TRPM6: variants seen among roughly 807,000 people sequenced by gnomAD.
TRPM6 encodes transient receptor potential cation channel subfamily M member 6, also known as channel kinase 2.
In TRPM6, 111 loss-of-function variants were observed where a neutral mutation model predicts 247.6. The ratio of observed to expected loss-of-function variants is 0.45; its 90% CI spans 0.38 to 0.52. TRPM6 has a LOEUF of 0.52. TRPM6 is among the 20% of genes least tolerant of loss of function. TRPM6 has a pLI of 0.00. For synonymous variants in TRPM6, 892 were observed against 853.8 expected, an observed-to-expected ratio of 1.04 and a Z score of -0.78; for missense variants, 2,126 against 2,421.5, an observed-to-expected ratio of 0.88 and a Z score of 2.56.
At chr9:74,840,489 A>G (rs904432156) in intron 4 of TRPM6, among the ~76,000 whole-genome samples, 1 of 152,238 alleles carries the variant, frequency 6.6e-6, no homozygotes, top group African/African-American at 2.4e-5. Context: ...TGGCCCACCA[A>G]TGCTCTCCAG....
chr9:74,868,378 C>A (rs1830922321), intron 1 of TRPM6, among the ~76,000 whole-genome samples: 1 of 151,820 alleles, frequency 6.6e-6, no homozygotes, highest in African/African-American at 2.4e-5. Context: ...GCCTGTAATC[C>A]CAGCTACTCG....
intron 31 of TRPM6, among the ~76,000 whole-genome samples, chr9:74,745,298 A>G (rs1300522970): frequency 3.3e-5 from 5 of 152,208 alleles, no homozygotes; most frequent in Non-Finnish European, 7.3e-5. Flanking sequence ...CCACATTGGT[A>G]TTTATTCAAT....
chr9:74,775,397 A>G (rs1011697124), intron 24 of TRPM6, among the ~76,000 whole-genome samples: 1 of 152,086 alleles, frequency 6.6e-6, no homozygotes, highest in Non-Finnish European at 1.5e-5. Flanking sequence ...CCATTTCAGA[A>G]TCACCTCCAT....
intron 9 of TRPM6, chr9:74,820,088 T>C: frequency 1.8e-6 from 1 of 563,866 alleles, no homozygotes; most frequent in Admixed American, 2.8e-5. Context: ...CATGGTGGTT[T>C]GCTGCACCTA....
chr9:74,887,569 T>C, intron 1 of TRPM6: 1 of 1,479,494 alleles, frequency 6.8e-7, no homozygotes, highest in Non-Finnish European at 9.1e-7. Context: ...ACCTCCGCTA[T>C]GGCCGCATCC....
chr9:74,804,979 C>G (rs1218376455), intron 14 of TRPM6, among the ~76,000 whole-genome samples: 1 of 152,102 alleles, frequency 6.6e-6, no homozygotes, highest in Non-Finnish European at 1.5e-5. Flanking sequence ...TTTGAAATGT[C>G]ATCTTAAACA....
chr9:74,761,561 C>T, intron 27 of TRPM6, 135 bp downstream of exon 27: 1 of 696,494 alleles, frequency 1.4e-6, no homozygotes. Flanking sequence ...AAAAGAGGAA[C>T]AAATTATATC....
rs1481369463 is a variant in TRPM6 at position 74,808,045 on chromosome 9, T to C, written c.1627A>G (p.Arg543Gly). 6.2e-7 allele frequency: 1 copy of C among 1,613,956 alleles called. No homozygotes were observed. Among genetic ancestry groups the C allele is most frequent in the Non-Finnish European group, 8.5e-7 (1 of 1,179,896 alleles). ...TTCAATTACTCTACCTTGTATTTTC[T>C]GTAGAGGTTGTTGTAGAGGGCTCTG... ...HFRALYNNLYRKYKHQRHSSG... is the reference protein window; with the variant it reads ...HFRALYNNLYGKYKHQRHSSG... The change falls in exon 14 of 39, where the codon AGA becomes GGA. Residue 543 changes from arginine to glycine, a missense_variant. Arg to Gly is a moderately radical substitution (Grantham distance 125). Transcript: ENST00000360774.
At chr9:74,766,964 G>A (rs1826848512) in intron 25 of TRPM6, among the ~76,000 whole-genome samples, 1 of 152,108 alleles carries the variant, frequency 6.6e-6, no homozygotes. Flanking sequence ...CCATGAAAAT[G>A]TCAGGCATCA....
chr9:74,762,680 C>A lies in TRPM6; in HGVS notation c.3991G>T (p.Val1331Leu). Residue 1331 changes from valine (V) to leucine (L), a missense_variant, in exon 26 of 39, where the codon GTG becomes TTG. Physicochemically the swap from Val to Leu is conservative, Grantham distance 32. Transcript: ENST00000360774. ...ETQSSIVVSG[V>L]SPNRQAHSKY... ...GAGTGTGCTTGCCTGTTAGGAGACACCCCAGAAACCACTATACTACTTTGT... is the reference window on the plus strand; with the variant it reads ...GAGTGTGCTTGCCTGTTAGGAGACAACCCAGAAACCACTATACTACTTTGT... The A allele has an allele frequency of 6.2e-7, 1 of 1,614,138 alleles. No individual in the cohort carries two copies. Among genetic ancestry groups the A allele is most frequent in the Non-Finnish European group, 8.5e-7 (1 of 1,180,022 alleles).
chr9:74,737,278 T>G, intron 36 of TRPM6: 1 of 884,726 alleles, frequency 1.1e-6, no homozygotes, highest in Non-Finnish European at 1.6e-6. Context: ...AAAATGCACT[T>G]ATATGTAGTT....
At chr9:74,887,312 G>T in intron 1 of TRPM6, 1 of 1,366,256 alleles carries the variant, frequency 7.3e-7, no homozygotes, top group Non-Finnish European at 9.4e-7. Context: ...GCGGAGGGAC[G>T]GCCGTCTGGG....
In TRPM6 at chr9:74,858,612, T is replaced by C. The variant is rs1348155094; in HGVS notation, c.113+57A>G. On this transcript the variant is annotated intron_variant, in intron 2 of 38. Coordinates refer to ENST00000360774, the MANE Select transcript of TRPM6 (RefSeq NM_017662.5). The stretch of plus-strand genomic sequence containing the variant: ...AACAAGTCATATTTCTAAGTTTCTA[T>C]AAATAGTCCATCAGGTAGTGTTGCT... 5.4e-6 allele frequency: 6 copies of C among 1,120,424 alleles called. No individual in the cohort carries two copies. In the Admixed American group the frequency reaches 7.8e-5, roughly 15 times the overall value. 69.4% of individuals were successfully genotyped at this position (1,120,424 alleles called of 1,614,324 possible).
Position 74,738,550 on chromosome 9 carries a change from T to C in TRPM6, c.5633A>G (p.Tyr1878Cys), listed in dbSNP as rs1217914206. ...SANQWLTIEK[Y>C]MTGEFRKYNN... ...ATACTTCCGGAACTCCCCTGTCATA[T>C]ACTTCTCAATGGTCAACCACTGGTT... The change falls in exon 36 of 39, where the codon TAT (tyrosine) becomes TGT (cysteine). Residue 1878 changes from tyrosine (Y) to cysteine (C), a missense_variant. Physicochemically the swap from Tyr to Cys is radical, Grantham distance 194 (BLOSUM62 -2). Coordinates refer to ENST00000360774, the MANE Select transcript of TRPM6 (RefSeq NM_017662.5). 6 of 1,614,152 alleles carry C rather than the reference T, an allele frequency of 3.7e-6. No homozygotes were observed. Among genetic ancestry groups the C allele is most frequent in the Non-Finnish European group, 5.1e-6 (6 of 1,179,998 alleles).
At chr9:74,862,192 T>C (rs1046179462) in intron 1 of TRPM6, among the ~76,000 whole-genome samples, 1 of 150,540 alleles carries the variant, frequency 6.6e-6, no homozygotes, top group African/African-American at 2.4e-5. Context: ...AACCTCGTAA[T>C]AGTTCCTTTG....
At chr9:74,745,228 C>T (rs1172735862) in intron 31 of TRPM6, among the ~76,000 whole-genome samples, 3 of 152,178 alleles carry the variant, frequency 2.0e-5, no homozygotes, top group Non-Finnish European at 4.4e-5. Context: ...AGTGTATGGG[C>T]ATCTGAGTCT....
At chr9:74,784,978 A>T (rs1827594834) in intron 21 of TRPM6, among the ~76,000 whole-genome samples, 1 of 152,018 alleles carries the variant, frequency 6.6e-6, no homozygotes, top group African/African-American at 2.4e-5. Flanking sequence ...GCTTGGCATG[A>T]TGGTGTGTGC....
intron 31 of TRPM6, among the ~76,000 whole-genome samples, chr9:74,744,901 G>T (rs962415264): frequency 6.6e-6 from 1 of 152,208 alleles, no homozygotes; most frequent in African/African-American, 2.4e-5. Flanking sequence ...GCTGGATAAG[G>T]AAAGGAACGA....
chr9:74,769,615 G>A (rs1213503722), intron 25 of TRPM6, among the ~76,000 whole-genome samples: 3 of 151,930 alleles, frequency 2.0e-5, no homozygotes, highest in African/African-American at 2.4e-5. Context: ...AAAATTAGCC[G>A]GGTGTGGTGG....
Sources: allele counts gnomAD v4.1 joint callset (sites outside exome capture counted in the v4.1 genomes callset), GRCh38; gene constraint gnomAD v4.1.1; transcripts MANE v1.5; gene names NCBI Gene and HGNC (gene_info 2026-07-23, HGNC 2026-07-21).